Variants in TOX observed in about 807,000 individuals in gnomAD.
TOX encodes thymocyte selection associated high mobility group box, also known as thymocyte selection-associated high mobility group box protein TOX.
A neutral mutation model predicts 53.7 loss-of-function variants in TOX; 11 were observed. The ratio of observed to expected loss-of-function variants is 0.20; its 90% CI spans 0.13 to 0.34. The LOEUF (loss-of-function observed/expected upper bound fraction) is 0.34. Ranked by LOEUF, TOX falls within the 10% of genes least tolerant of loss-of-function variation. The pLI is 1.00. For synonymous variants in TOX, 225 were observed against 245.3 expected (o/e 0.92, Z 0.77); for missense variants, 570 against 664.6 (o/e 0.86, Z 1.56).
chr8:58,951,566 C>T (rs929233146), intron 2 of TOX, among the ~76,000 whole-genome samples: 4 of 151,940 alleles, frequency 2.6e-5, no homozygotes, highest in African/African-American at 9.7e-5. Flanking sequence ...ACCTGGCATC[C>T]CTATTTTCCC....
At chr8:58,965,644 T>C (rs1812880693) in intron 1 of TOX, among the ~76,000 whole-genome samples, 1 of 152,160 alleles carries the variant, frequency 6.6e-6, no homozygotes, top group Non-Finnish European at 1.5e-5. Context: ...CTCATGGAAT[T>C]CATGAAACAG....
At position 59,011,275 on chromosome 8, in the gene TOX, G is replaced by T. The variant is rs1026728660; in HGVS notation, c.103-51267C>A. On this transcript the variant is annotated intron_variant, in intron 1 of 8. Transcript: ENST00000361421. ...CCATCAAAACCTCTTTCTCTTGGAG[G>T]AAAATCCTATTTATTTCTACTCTAT... Among the ~76,000 whole-genome samples, 8 of 152,170 alleles carry T rather than the reference G, an allele frequency of 5.3e-5. No homozygotes were observed. The East Asian group carries it at 5.8e-4, about 11-fold the overall frequency.
At chr8:59,009,239 A>T (rs934055552) in intron 1 of TOX, among the ~76,000 whole-genome samples, 3 of 148,238 alleles carry the variant, frequency 2.0e-5, no homozygotes, top group Admixed American at 1.4e-4. Flanking sequence ...CTTGATGAGT[A>T]CAAGCCTCCC....
intron 1 of TOX, among the ~76,000 whole-genome samples, chr8:59,094,579 A>T (rs1044368894): frequency 2.6e-5 from 4 of 151,496 alleles, no homozygotes; most frequent in African/African-American, 9.7e-5. Flanking sequence ...TCATTATTAT[A>T]TTTAATTATT....
chr8:58,986,044 C>A (rs1364177437), intron 1 of TOX, among the ~76,000 whole-genome samples: 1 of 152,162 alleles, frequency 6.6e-6, no homozygotes, highest in African/African-American at 2.4e-5. Context: ...TTAATCCTTA[C>A]AATACTAAAT....
intron 1 of TOX, among the ~76,000 whole-genome samples, chr8:58,990,339 C>T (rs1813418134): frequency 6.6e-6 from 1 of 151,948 alleles, no homozygotes; most frequent in Non-Finnish European, 1.5e-5. Flanking sequence ...TTTTTCAATC[C>T]CTGGATAGCA....
chr8:58,939,872 G>A (rs577975969), intron 2 of TOX, among the ~76,000 whole-genome samples: 72 of 152,292 alleles, frequency 4.7e-4, no homozygotes, highest in African/African-American at 1.6e-3. Context: ...GAATTGTACG[G>A]AAGGAAGGCA....
At chr8:59,026,250 T>A (rs967657382) in intron 1 of TOX, among the ~76,000 whole-genome samples, 2 of 152,142 alleles carry the variant, frequency 1.3e-5, no homozygotes, top group African/African-American at 4.8e-5. Context: ...TGGTCCCATG[T>A]CACTGTGATG....
At chr8:58,820,412 C>A (rs1417662446) in intron 6 of TOX, among the ~76,000 whole-genome samples, 3 of 152,058 alleles carry the variant, frequency 2.0e-5, no homozygotes, top group African/African-American at 7.2e-5. Context: ...ATTTAATAAA[C>A]CAGAACATAG....
At chr8:58,949,154 T>C (rs569059853) in intron 2 of TOX, among the ~76,000 whole-genome samples, 1 of 152,342 alleles carries the variant, frequency 6.6e-6, no homozygotes, top group Admixed American at 6.5e-5. Context: ...AATGAGATCA[T>C]GTAAATACTT....
rs1803690219 is a variant in TOX, at chr8:59,046,778, G to GCCTC, written c.102+72107_102+72108insGAGG. Reference sequence around the variant, plus strand: ...GAGGCTGAGGCATGAGAATTCGCTTGAACCTGGGAGGCAGAGGTTGCAGTA... The same window carrying GCCTC: ...GAGGCTGAGGCATGAGAATTCGCTTGCCTCAACCTGGGAGGCAGAGGTTGCAGTA... On this transcript the variant is annotated intron_variant, in intron 1 of 8. Coordinates refer to ENST00000361421, the MANE Select transcript of TOX (RefSeq NM_014729.3). 3.0e-5 allele frequency among the ~76,000 whole-genome samples: 4 copies of GCCTC among 135,106 alleles called. No individual in the cohort carries two copies. The Admixed American group carries it at 3.4e-4, about 12-fold the overall frequency. 88.6% of individuals were successfully genotyped at this position (135,106 alleles called of 152,430 possible).
intron 1 of TOX, among the ~76,000 whole-genome samples, chr8:59,085,668 G>A (rs191115688): frequency 1.3e-3 from 192 of 152,324 alleles, no homozygotes; most frequent in Middle Eastern, 3.4e-3. Flanking sequence ...CATTACAGGC[G>A]TGAGCCACTG....
chr8:58,956,671 A>T (rs945931394), intron 2 of TOX, among the ~76,000 whole-genome samples: 1 of 152,074 alleles, frequency 6.6e-6, no homozygotes, highest in Admixed American at 6.5e-5. Context: ...GTGCGATCTC[A>T]ACTCACTGCA....
chr8:59,044,373 G>A (rs745484073), intron 1 of TOX, among the ~76,000 whole-genome samples: 37 of 152,218 alleles, frequency 2.4e-4, no homozygotes, highest in South Asian at 4.1e-4. Flanking sequence ...GTTGACTGTG[G>A]TAGCTTGCTA....
intron 3 of TOX, among the ~76,000 whole-genome samples, chr8:58,893,852 C>T (rs16924213): frequency 0.078 from 11,871 of 152,228 alleles, 658 homozygotes; most frequent in African/African-American, 0.15. Context: ...AGTGTAAATG[C>T]ATGAAGAGGC....
At chr8:59,106,734 T>G (rs559984331) in intron 1 of TOX, among the ~76,000 whole-genome samples, 58 of 152,278 alleles carry the variant, frequency 3.8e-4, no homozygotes, top group Non-Finnish European at 7.6e-4. Context: ...AAAGCCTTTT[T>G]GACAACATTC....
intron 1 of TOX, among the ~76,000 whole-genome samples, chr8:59,037,412 T>C (rs969814822): frequency 1.3e-5 from 2 of 152,206 alleles, no homozygotes; most frequent in Non-Finnish European, 2.9e-5. Flanking sequence ...CTCATGTTCC[T>C]CCTGTGAACT....
chr8:58,831,717 G>A (rs1359547679), intron 5 of TOX, among the ~76,000 whole-genome samples: 1 of 152,150 alleles, frequency 6.6e-6, no homozygotes, highest in African/African-American at 2.4e-5. Context: ...TGAAGCCCCA[G>A]CATGCTTGGA....
At chr8:59,084,333 T>A (rs1804471139) in intron 1 of TOX, among the ~76,000 whole-genome samples, 1 of 152,098 alleles carries the variant, frequency 6.6e-6, no homozygotes, top group East Asian at 1.9e-4. Context: ...ATTTACTTTT[T>A]AGAAAAATAA....
Sources: gnomAD v4.1 joint callset for allele counts (sites outside exome capture counted in the v4.1 genomes callset) on GRCh38, gnomAD v4.1.1 for gene constraint, MANE v1.5 for transcripts, NCBI Gene and HGNC (gene_info 2026-07-23, HGNC 2026-07-21) for gene names.